OCA2: variants seen among roughly 807,000 people sequenced by gnomAD.
OCA2 encodes the protein P protein.
Under a neutral mutation model 100.2 loss-of-function variants are expected in OCA2, and 77 were observed. That is an observed-to-expected ratio of 0.77 (90% CI 0.64 to 0.93). The LOEUF (loss-of-function observed/expected upper bound fraction) is 0.93, where lower values mean the gene tolerates loss of function less well. OCA2 is among the 40% of genes least tolerant of loss of function. The pLI, the probability that OCA2 is intolerant of heterozygous loss-of-function variation, is 0.00. For missense variants in OCA2, 1,062 were observed against 1,089.1 expected (o/e 0.98, Z 0.35); for synonymous variants, 432 against 439.2 (o/e 0.98, Z 0.21).
At chr15:27,997,074 G>GAGAGAA in intron 9 of OCA2, among the ~76,000 whole-genome samples, 3 of 38,778 alleles carry the variant, frequency 7.7e-5, no homozygotes, top group Non-Finnish European at 3.7e-4. Context: ...GGAAGGAAGG[G>GAGAGAA]AGAAAGAGAG....
rs145538334 is a variant in OCA2, at chr15:27,847,935, C to T, written c.2339-2883G>A. Among the ~76,000 whole-genome samples the T allele has an allele frequency of 4.4e-3, 676 of 152,356 alleles. 7 individuals are homozygous for T. The highest frequency in any genetic ancestry group is 0.016 in the African/African-American group (646 of 41,600). On this transcript the variant is annotated intron_variant, in intron 22 of 23. Coordinates refer to ENST00000354638, the MANE Select transcript of OCA2 (RefSeq NM_000275.3). Reference sequence around the variant, plus strand: ...CTGTGGCGCCGTCAGGACCTGCTCCCTGCACCTGTGCGCTCTGCCACCTGC... The same window carrying T: ...CTGTGGCGCCGTCAGGACCTGCTCCTTGCACCTGTGCGCTCTGCCACCTGC...
intron 11 of OCA2, among the ~76,000 whole-genome samples, chr15:27,988,336 T>C (rs2041430405): frequency 6.6e-6 from 1 of 151,570 alleles, no homozygotes; most frequent in Non-Finnish European, 1.5e-5. Context: ...AATTCATATG[T>C]TCACCTCCTA....
chr15:28,068,015 G>C (rs886814241), intron 2 of OCA2, among the ~76,000 whole-genome samples: 1 of 152,118 alleles, frequency 6.6e-6, no homozygotes, highest in African/African-American at 2.4e-5. Context: ...GGTGCTACAC[G>C]GTTGGGTGCA....
chr15:27,865,989 T>C (rs2036306848), intron 21 of OCA2, among the ~76,000 whole-genome samples: 1 of 152,184 alleles, frequency 6.6e-6, no homozygotes, highest in Non-Finnish European at 1.5e-5. Context: ...TTCCTATCAC[T>C]GCATCTGTCA....
At chr15:27,866,780 C>T (rs923829758) in intron 21 of OCA2, among the ~76,000 whole-genome samples, 2 of 152,210 alleles carry the variant, frequency 1.3e-5, no homozygotes, top group African/African-American at 2.4e-5. Flanking sequence ...GAAGCCTCCT[C>T]GGAGATCTGT....
intron 23 of OCA2, among the ~76,000 whole-genome samples, chr15:27,784,907 G>C (rs2032732202): frequency 6.6e-6 from 1 of 151,720 alleles, no homozygotes; most frequent in African/African-American, 2.4e-5. Context: ...GAGAGAGAGA[G>C]AGAGAGAGAA....
chr15:28,023,326 C>T lies in OCA2; in HGVS notation c.574-753G>A, dbSNP rs144851362. ...CTTTCTCTGGGTCACAGATCTCCTC[C>T]CTCATGGGTTGGTTATTAAGAAGTT... On this transcript the variant is annotated intron_variant, in intron 5 of 23. Transcript: ENST00000354638. 6.3e-3 allele frequency among the ~76,000 whole-genome samples: 966 copies of T among 152,284 alleles called. 31 individuals are homozygous for T. Among genetic ancestry groups the T allele is most frequent in the Admixed American group, 0.049 (748 of 15,290 alleles).
intron 19 of OCA2, among the ~76,000 whole-genome samples, chr15:27,908,013 A>G (rs1179840429): frequency 1.3e-5 from 2 of 152,156 alleles, no homozygotes; most frequent in East Asian, 1.9e-4. Flanking sequence ...CCCTTTATGA[A>G]GCAAGTGTGA....
chr15:27,924,022 G>A (rs1447793377), intron 19 of OCA2, among the ~76,000 whole-genome samples: 5 of 152,108 alleles, frequency 3.3e-5, no homozygotes, highest in Admixed American at 2.0e-4. Flanking sequence ...TCCAACTTGA[G>A]TTGATTTTTG....
chr15:27,954,280 A>T (rs193167419), intron 17 of OCA2, among the ~76,000 whole-genome samples: 1 of 152,012 alleles, frequency 6.6e-6, no homozygotes, highest in East Asian at 1.9e-4. Flanking sequence ...CAGTTCTCCA[A>T]CTCATGACTA....
At chr15:28,014,367 G>A (rs941615980) in intron 9 of OCA2, among the ~76,000 whole-genome samples, 3 of 152,122 alleles carry the variant, frequency 2.0e-5, no homozygotes, top group Admixed American at 6.5e-5. Context: ...CAGGCCATCC[G>A]TGTCCCCTCA....
intron 14 of OCA2, among the ~76,000 whole-genome samples, chr15:27,973,664 C>G (rs765746130): frequency 5.3e-5 from 8 of 152,084 alleles, no homozygotes; most frequent in African/African-American, 7.2e-5. Flanking sequence ...GGCGGCTATT[C>G]AGGCTCTTTT....
chr15:27,960,843 G>A (rs1330536159), intron 15 of OCA2, among the ~76,000 whole-genome samples: 2 of 150,512 alleles, frequency 1.3e-5, no homozygotes, highest in East Asian at 2.0e-4. Flanking sequence ...GGTGGAGGTT[G>A]CAGTGAGCCA....
At position 28,025,001 on chromosome 15, in the gene OCA2, C is replaced by A. The variant is rs1216930854; in HGVS notation, c.516-99G>T. 3 of 1,116,508 alleles carry A rather than the reference C, an allele frequency of 2.7e-6. No individual in the cohort carries two copies. The African/African-American group carries it at 4.6e-5, about 17-fold the overall frequency. The allele number at this position is 1,116,508 out of a possible 1,614,324, so 69.2% of individuals were successfully genotyped here. ...GCCTTGAGTAACTTCCATCTCAAAGCATGTGTTTTGAATTCTTTCCATAAC... is the reference window on the plus strand; with the variant it reads ...GCCTTGAGTAACTTCCATCTCAAAGAATGTGTTTTGAATTCTTTCCATAAC... On this transcript the variant is annotated intron_variant, in intron 4 of 23. Coordinates refer to ENST00000354638, the MANE Select transcript of OCA2 (RefSeq NM_000275.3).
Position 27,886,854 on chromosome 15 carries a change from C to T in OCA2, c.2080-14932G>A, listed in dbSNP as rs186604695. Reference sequence around the variant, plus strand: ...AGCAAGAGGCAACTAAAGGAGAATTCGGAAAGGTGGTAAGAGGAGAGGAAA... The same window carrying T: ...AGCAAGAGGCAACTAAAGGAGAATTTGGAAAGGTGGTAAGAGGAGAGGAAA... On this transcript the variant is annotated intron_variant, in intron 19 of 23. Transcript: ENST00000354638. Among the ~76,000 whole-genome samples, 181 of 152,254 alleles carry T rather than the reference C, an allele frequency of 1.2e-3. 2 individuals are homozygous for T. Among genetic ancestry groups the T allele is most frequent in the Admixed American group, 2.2e-3 (33 of 15,300 alleles).
chr15:28,068,205 A>T (rs2044084473), intron 2 of OCA2, among the ~76,000 whole-genome samples: 1 of 152,004 alleles, frequency 6.6e-6, no homozygotes, highest in Non-Finnish European at 1.5e-5. Flanking sequence ...TTTTATTTTG[A>T]GCCTGTGGGT....
chr15:27,796,260 G>A (rs1433683048), intron 23 of OCA2, among the ~76,000 whole-genome samples: 1 of 152,256 alleles, frequency 6.6e-6, no homozygotes, highest in Non-Finnish European at 1.5e-5. Flanking sequence ...AGACTTCTAT[G>A]AGAGAAAGCA....
At chr15:27,739,953 G>A in the OCA2 span, among the ~76,000 whole-genome samples, 1 of 152,148 alleles carries the variant, frequency 6.6e-6, no homozygotes, top group African/African-American at 2.4e-5. Context: ...CAGAGGTACA[G>A]GTGAGATTTG....
chr15:27,883,135 A>G (rs2037089114), intron 19 of OCA2, among the ~76,000 whole-genome samples: 1 of 151,738 alleles, frequency 6.6e-6, no homozygotes. Flanking sequence ...GCTCTCTCTG[A>G]CTCCTCTGGG....
Sources: allele counts gnomAD v4.1 joint callset (sites outside exome capture counted in the v4.1 genomes callset), GRCh38; gene constraint gnomAD v4.1.1; transcripts MANE v1.5; gene names NCBI Gene and HGNC (gene_info 2026-07-23, HGNC 2026-07-21).